The following LRCH1 variants were observed in gnomAD, a reference collection of about 807,000 sequenced individuals.
The protein encoded by LRCH1 is leucine rich repeats and calponin homology domain containing 1, also known as leucine-rich repeat and calponin homology domain-containing protein 1.
LRCH1 carries 23 observed loss-of-function variants against 94.9 expected under a neutral mutation model. The observed-to-expected ratio is 0.24, with a 90% CI of 0.17 to 0.34. LRCH1 has a LOEUF of 0.34. LRCH1 is among the 10% of genes least tolerant of loss of function. The pLI is 1.00. For synonymous variants in LRCH1, 364 were observed against 354.9 expected, an observed-to-expected ratio of 1.03 and a Z score of -0.29; for missense variants, 790 against 945.9, an observed-to-expected ratio of 0.84 and a Z score of 2.16.
rs951225723 is a variant in LRCH1 at position 46,613,981 on chromosome 13, CT to C, written c.308-36210del. Among the ~76,000 whole-genome samples the C allele has an allele frequency of 2.1e-3, 308 of 148,188 alleles. 1 individual carries two copies. Among genetic ancestry groups the C allele is most frequent in the South Asian group, 7.5e-3 (35 of 4,668 alleles). ...CTTGGAGCTGCCTTCGTTAATAGGC[CT>C]TTTTTTTTTCTTTTTTGTTTTAAAT... On this transcript the variant is annotated intron_variant, in intron 1 of 19. Transcript: ENST00000389797.
intron 2 of LRCH1, among the ~76,000 whole-genome samples, chr13:46,657,453 C>CT (rs1353010506): frequency 7.6e-6 from 1 of 131,870 alleles, no homozygotes; most frequent in Non-Finnish European, 1.6e-5. Context: ...ACCACCACCA[C>CT]TTTTTTTCTT....
At chr13:46,613,706 C>T (rs923082201) in intron 1 of LRCH1, among the ~76,000 whole-genome samples, 1 of 152,172 alleles carries the variant, frequency 6.6e-6, no homozygotes, top group African/African-American at 2.4e-5. Flanking sequence ...TGAGCCATTT[C>T]GAAATGGGTC....
chr13:46,698,011 T>C (rs996180292), intron 9 of LRCH1, among the ~76,000 whole-genome samples: 1 of 152,206 alleles, frequency 6.6e-6, no homozygotes, highest in African/African-American at 2.4e-5. Context: ...TTTCTGGTAG[T>C]ATATTTTTAC....
chr13:46,555,645 A>T (rs899929077), intron 1 of LRCH1, among the ~76,000 whole-genome samples: 1 of 152,242 alleles, frequency 6.6e-6, no homozygotes, highest in African/African-American at 2.4e-5. Flanking sequence ...ACTGGTTAAA[A>T]TTCAGAGGCT....
At position 46,736,340 on chromosome 13, in the gene LRCH1, T is replaced by C. The variant is rs575503925; in HGVS notation, c.2085+2342T>C. ...GCAAGGCAACTGGCATTTTCCTGTATACTCAAAACAACATGTTTTCATCTC... is the reference window on the plus strand; with the variant it reads ...GCAAGGCAACTGGCATTTTCCTGTACACTCAAAACAACATGTTTTCATCTC... On this transcript the variant is annotated intron_variant, in intron 19 of 19. Coordinates refer to ENST00000389797, the MANE Select transcript of LRCH1 (RefSeq NM_001164211.2). 2.0e-5 allele frequency among the ~76,000 whole-genome samples: 3 copies of C among 152,288 alleles called. No individual in the cohort carries two copies. In the East Asian group the frequency reaches 5.8e-4, roughly 29 times the overall value.
intron 2 of LRCH1, among the ~76,000 whole-genome samples, chr13:46,664,151 A>G (rs535884672): frequency 6.6e-6 from 1 of 152,294 alleles, no homozygotes; most frequent in South Asian, 2.1e-4. Context: ...CTTTATTTTT[A>G]ATTGGTATAT....
At chr13:46,745,185 G>T (rs1233972295), downstream of LRCH1, among the ~76,000 whole-genome samples, 1 of 152,094 alleles carries the variant, frequency 6.6e-6, no homozygotes, top group African/African-American at 2.4e-5. Context: ...TTCTGCTTGT[G>T]TACCATAAAT....
chr13:46,714,735 G>T (rs1384138389), intron 15 of LRCH1, among the ~76,000 whole-genome samples: 1 of 152,026 alleles, frequency 6.6e-6, no homozygotes. Flanking sequence ...AAATAATATA[G>T]ATATTTCCTA....
At position 46,650,256 on chromosome 13, in the gene LRCH1, A is replaced by G; in HGVS notation, c.363A>G (p.Ser121=). The change falls in exon 2 of 20, where the codon TCA becomes TCG. Residue 121 remains serine (S), a synonymous_variant. Transcript: ENST00000389797. ...CAATGGAATTGTGCCATTTTGTATC[A>G]CTGGAAATTCTTAATCTGTATCACA... ...EVPMELCHFV[S]LEILNLYHNC... is the part of the protein sequence containing the mutation. 1 of 1,612,820 alleles carries G rather than the reference A, an allele frequency of 6.2e-7. No individual in the cohort carries two copies. The highest frequency in any genetic ancestry group is 8.5e-7 in the Non-Finnish European group (1 of 1,179,172).
intron 1 of LRCH1, among the ~76,000 whole-genome samples, chr13:46,623,807 A>G (rs1175752873): frequency 6.8e-6 from 1 of 147,672 alleles, no homozygotes; most frequent in Non-Finnish European, 1.5e-5. Flanking sequence ...GGTGTGCTGC[A>G]CCCATTAACT....
downstream of LRCH1, among the ~76,000 whole-genome samples, chr13:46,746,974 G>A (rs2138260089): frequency 6.6e-6 from 1 of 152,266 alleles, no homozygotes; most frequent in African/African-American, 2.4e-5. Context: ...TCCTGTGATA[G>A]AATAACCAGA....
At chr13:46,675,706 C>T (rs1482823749) in intron 3 of LRCH1, among the ~76,000 whole-genome samples, 1 of 152,148 alleles carries the variant, frequency 6.6e-6, no homozygotes, top group Non-Finnish European at 1.5e-5. Context: ...CACGTGCTCG[C>T]CATGCTGTTT....
chr13:46,717,724 T>G (rs138145783), intron 16 of LRCH1: 6 of 152,336 alleles, frequency 3.9e-5, no homozygotes, highest in Admixed American at 2.6e-4. Flanking sequence ...ATTTATACAT[T>G]TAGTTATTAT....
At chr13:46,623,898 G>A (rs1010371517) in intron 1 of LRCH1, among the ~76,000 whole-genome samples, 3 of 115,074 alleles carry the variant, frequency 2.6e-5, no homozygotes, top group African/African-American at 6.9e-5. Flanking sequence ...TTTATTTATC[G>A]TTAGAGACAG....
intron 1 of LRCH1, among the ~76,000 whole-genome samples, chr13:46,634,332 C>A (rs565586828): frequency 1.2e-3 from 187 of 152,354 alleles, no homozygotes; most frequent in African/African-American, 4.0e-3. Flanking sequence ...GGCGAATCCT[C>A]CTTTCTGTGC....
chr13:46,745,008 G>A, downstream of LRCH1: 1 of 704,226 alleles, frequency 1.4e-6, no homozygotes, highest in Non-Finnish European at 1.7e-6. Context: ...AATATTGAAT[G>A]AGCAATCTCT....
At chr13:46,718,303 A>G (rs1195085779) in intron 16 of LRCH1, among the ~76,000 whole-genome samples, 1 of 152,186 alleles carries the variant, frequency 6.6e-6, no homozygotes, top group Non-Finnish European at 1.5e-5. Flanking sequence ...CAGTTTACAG[A>G]TATTTTCCTT....
intron 1 of LRCH1, among the ~76,000 whole-genome samples, chr13:46,632,243 G>A (rs896383392): frequency 6.6e-6 from 1 of 151,844 alleles, no homozygotes; most frequent in Non-Finnish European, 1.5e-5. Context: ...AACACTTGAT[G>A]ACTTGATGTG....
At chr13:46,664,343 C>T (rs1045333422) in intron 2 of LRCH1, among the ~76,000 whole-genome samples, 3 of 152,132 alleles carry the variant, frequency 2.0e-5, no homozygotes, top group African/African-American at 7.2e-5. Context: ...ATGTCTATGG[C>T]GTAGTGACAT....
Sources: gnomAD v4.1 joint callset for allele counts (sites outside exome capture counted in the v4.1 genomes callset) on GRCh38, gnomAD v4.1.1 for gene constraint, MANE v1.5 for transcripts, NCBI Gene and HGNC (gene_info 2026-07-23, HGNC 2026-07-21) for gene names.